The following SMC2 variants were observed in gnomAD, a reference collection of about 807,000 sequenced individuals.
SMC2 encodes structural maintenance of chromosomes protein 2.
SMC2 carries 41 observed loss-of-function variants against 142.6 expected under a neutral mutation model. That is an observed-to-expected ratio of 0.29 (90% CI 0.22 to 0.37). SMC2 has a LOEUF of 0.37. Ranked by LOEUF, SMC2 falls within the 10% of genes least tolerant of loss-of-function variation. SMC2 has a pLI of 1.00. For synonymous variants in SMC2, 463 were observed against 457.5 expected, an observed-to-expected ratio of 1.01 and a Z score of -0.15; for missense variants, 1,265 against 1,373.7, an observed-to-expected ratio of 0.92 and a Z score of 1.25.
chr9:104,103,043 ATACAGATTTGGAGGC>A (rs1171066997), intron 9 of SMC2, among the ~76,000 whole-genome samples: 4 of 152,134 alleles, frequency 2.6e-5, no homozygotes, highest in Non-Finnish European at 5.9e-5. Context: ...CCAGGCAAAA[ATACAGATTTGGAGGC>A]ATCATCAATG....
In SMC2 at chr9:104,118,218, A is replaced by G; in HGVS notation, c.1839A>G (p.Lys613=). 2 of 1,613,874 alleles carry G rather than the reference A, an allele frequency of 1.2e-6. No homozygotes were observed. The highest frequency in any genetic ancestry group is 1.7e-6 in the Non-Finnish European group (2 of 1,179,816). ...VHVALSLVEY[K]PELQKAMEFV... is the part of the protein sequence containing the mutation. ...TGGCTCTTTCCTTGGTTGAATATAA[A>G]CCAGAACTTCAGAAAGCAATGGAGT... Residue 613 remains lysine, a synonymous_variant, in exon 15 of 25, where the codon AAA becomes AAG. Coordinates refer to ENST00000374793, the MANE Select transcript of SMC2 (RefSeq NM_006444.3).
At chr9:104,109,343 T>G (rs1832163288) in intron 9 of SMC2, among the ~76,000 whole-genome samples, 1 of 152,182 alleles carries the variant, frequency 6.6e-6, no homozygotes, top group Non-Finnish European at 1.5e-5. Flanking sequence ...TTTAAATATC[T>G]AGATCCAGTC....
At chr9:104,112,629 T>C (rs1334714363) in intron 10 of SMC2, among the ~76,000 whole-genome samples, 1 of 152,166 alleles carries the variant, frequency 6.6e-6, no homozygotes, top group East Asian at 1.9e-4. Flanking sequence ...TAAAGTACTC[T>C]ACTCTCAGTT....
intron 20 of SMC2, 108 bp from the exon 21 acceptor site, chr9:104,129,537 T>G: frequency 1.1e-6 from 1 of 916,194 alleles, no homozygotes; most frequent in East Asian, 2.4e-5. Context: ...TGAAGGTTTT[T>G]TCCTCTTCAG....
chr9:104,102,523 C>T lies in SMC2; in HGVS notation c.970C>T (p.Leu324=). 6.2e-7 allele frequency: 1 copy of T among 1,613,576 alleles called. No individual in the cohort carries two copies. The highest frequency in any genetic ancestry group is 1.1e-5 in the South Asian group (1 of 91,014). Residue 324 remains leucine, a synonymous_variant, in exon 9 of 25, where the codon CTG becomes TTG. Transcript: ENST00000374793. ...CGCATTTGATCTCAAGAAGAAAAAT[C>T]TGGCATGTGAGGAAAGCAAACGCAA... The part of the protein sequence containing the change: ...QSAFDLKKKN[L]ACEESKRKEL...
chr9:104,107,232 G>A (rs1164368359), intron 9 of SMC2, among the ~76,000 whole-genome samples: 3 of 152,162 alleles, frequency 2.0e-5, no homozygotes, highest in Non-Finnish European at 2.9e-5. Flanking sequence ...TCACAGCGTC[G>A]CATGTAGTGC....
chr9:104,089,523 C>A (rs1202203246), upstream of SMC2, among the ~76,000 whole-genome samples: 1 of 152,004 alleles, frequency 6.6e-6, no homozygotes, highest in African/African-American at 2.4e-5. Context: ...TATGACAAAG[C>A]AGATGAGAGG....
intron 23 of SMC2, chr9:104,135,941 T>C: frequency 1.9e-6 from 1 of 518,484 alleles, no homozygotes; most frequent in Non-Finnish European, 3.9e-6. Context: ...AGATGGAACC[T>C]TGGATCTACA....
chr9:104,088,503 C>G, the SMC2 span, among the ~76,000 whole-genome samples: 6 of 152,112 alleles, frequency 3.9e-5, no homozygotes, highest in Middle Eastern at 3.4e-3. Context: ...GGTTTAAATA[C>G]ACATAGAAAT....
intron 6 of SMC2, 91 bp from the exon 7 acceptor site, chr9:104,100,298 A>G (rs980383159): frequency 7.3e-7 from 1 of 1,377,288 alleles, no homozygotes; most frequent in Non-Finnish European, 1.0e-6. Flanking sequence ...TCCTTGGTTC[A>G]GTTTTCCATA....
At chr9:104,107,583 A>C (rs984592913) in intron 9 of SMC2, among the ~76,000 whole-genome samples, 1 of 152,254 alleles carries the variant, frequency 6.6e-6, no homozygotes, top group Non-Finnish European at 1.5e-5. Flanking sequence ...AAAAAGACCC[A>C]CATGGGTTAT....
Position 104,119,972 on chromosome 9 carries a change from T to A in SMC2, c.1997-55T>A, listed in dbSNP as rs140957272. 8.3e-4 allele frequency: 1,293 copies of A among 1,548,572 alleles called. 8 individuals carry two copies. In the African/African-American group the frequency reaches 0.016, roughly 19 times the overall value. On this transcript the variant is annotated intron_variant, in intron 15 of 24. Coordinates refer to ENST00000374793, the MANE Select transcript of SMC2 (RefSeq NM_006444.3). ...AATTCTCTTAGAAGACTTTTTATTG[T>A]GTAGTACATACCTGGTAACAATGTG...
rs1450280009 is a variant in SMC2, at chr9:104,129,734, C to T, written c.2880C>T (p.Asn960=). ...QPNSAYDFKT[N]NPKEAGQRLQ... is the part of the protein sequence containing the mutation. ...ATAGTGCCTATGATTTCAAAACTAA[C>T]AACCCTAAAGAAGCTGGTCAGAGAC... Residue 960 remains asparagine (N), a synonymous_variant, in exon 21 of 25, where the codon AAC becomes AAT. Coordinates refer to ENST00000374793, the MANE Select transcript of SMC2 (RefSeq NM_006444.3). 1.2e-6 allele frequency: 2 copies of T among 1,613,840 alleles called. No individual in the cohort carries two copies. The highest frequency in any genetic ancestry group is 2.2e-5 in the East Asian group (1 of 44,834).
In SMC2 at chr9:104,126,787, A is replaced by G; in HGVS notation, c.2595+3A>G. 1.3e-6 allele frequency: 2 copies of G among 1,586,410 alleles called. No homozygotes were observed. The highest frequency in any genetic ancestry group is 1.7e-6 in the Non-Finnish European group (2 of 1,171,400). On this transcript the variant is annotated splice_donor_region_variant and intron_variant, in intron 19 of 24. Transcript: ENST00000374793. ...CAGCTGAGGTGGCTAAAAATAAGGTAGGATTTATTTATCAAATTCGAGAAA... is the reference window on the plus strand; with the variant it reads ...CAGCTGAGGTGGCTAAAAATAAGGTGGGATTTATTTATCAAATTCGAGAAA...
intron 23 of SMC2, 57 bp downstream of exon 23, chr9:104,134,632 C>A: frequency 8.3e-7 from 1 of 1,206,468 alleles, no homozygotes; most frequent in Non-Finnish European, 1.1e-6. Context: ...TAATTCATCT[C>A]CTTACCTTAA....
chr9:104,116,037 TCTC>T (rs35784229), intron 13 of SMC2, among the ~76,000 whole-genome samples, 160 bp from the exon 14 acceptor site: 77,320 of 151,702 alleles, frequency 0.51, 20,449 homozygotes, highest in Non-Finnish European at 0.55. Context: ...AATGGCAGCA[TCTC>T]CTTTTTCAAG....
chr9:104,091,808 C>A (rs1196693588), upstream of SMC2, among the ~76,000 whole-genome samples: 1 of 151,952 alleles, frequency 6.6e-6, no homozygotes, highest in African/African-American at 2.4e-5. Flanking sequence ...GAGAGTAGAG[C>A]ACCAAATATT....
intron 22 of SMC2, among the ~76,000 whole-genome samples, chr9:104,132,833 C>A (rs896762617): frequency 2.7e-5 from 4 of 150,542 alleles, no homozygotes; most frequent in African/African-American, 9.9e-5. Context: ...AACACTGGAT[C>A]TGAGAGGTTT....
intron 15 of SMC2, among the ~76,000 whole-genome samples, chr9:104,119,497 C>T (rs1833496666): frequency 6.6e-6 from 1 of 152,064 alleles, no homozygotes; most frequent in South Asian, 2.1e-4. Flanking sequence ...TTAGGTCAGC[C>T]CCGAAATCTT....
Sources: gnomAD v4.1 joint callset for allele counts (sites outside exome capture counted in the v4.1 genomes callset) on GRCh38, gnomAD v4.1.1 for gene constraint, MANE v1.5 for transcripts, NCBI Gene and HGNC (gene_info 2026-07-23, HGNC 2026-07-21) for gene names.